The following NFAT5 variants were observed in gnomAD, a reference collection of about 807,000 sequenced individuals.
NFAT5 encodes the protein nuclear factor of activated T cells 5.
In NFAT5, 31 loss-of-function variants were observed where a neutral mutation model predicts 166.5. The ratio of observed to expected loss-of-function variants is 0.19; its 90% CI spans 0.14 to 0.25. NFAT5 has a LOEUF of 0.25. Among genes scored for constraint, NFAT5 ranks in the 10% least tolerant of loss-of-function variants. The pLI is 1.00. For missense variants in NFAT5, 1,449 were observed against 1,821.8 expected, an observed-to-expected ratio of 0.80 and a Z score of 3.72; for synonymous variants, 612 against 639.7, an observed-to-expected ratio of 0.96 and a Z score of 0.65.
chr16:69,586,255 C>T (rs572168426), intron 2 of NFAT5, among the ~76,000 whole-genome samples: 64 of 152,190 alleles, frequency 4.2e-4, no homozygotes, highest in Non-Finnish European at 7.8e-4. Context: ...AAATCTTTAG[C>T]TTTAGATGTA....
rs1464772470 is a variant in NFAT5 at position 69,682,095 on chromosome 16, T to TTCTC, written c.1691-2789_1691-2786dup. 1.3e-5 allele frequency among the ~76,000 whole-genome samples: 2 copies of TTCTC among 152,042 alleles called. 1 individual carries two copies. Among genetic ancestry groups the TTCTC allele is most frequent in the Middle Eastern group, 6.3e-3 (2 of 316 alleles). ...ATACTGCCCCAAATCAAAATGTGTA[T>TTCTC]TCTCTCAGGCACTTAGATACTTTTC... On this transcript the variant is annotated intron_variant, in intron 10 of 14. Coordinates refer to ENST00000349945, the MANE Select transcript of NFAT5 (RefSeq NM_138713.4).
chr16:69,691,925 C>T lies in NFAT5; in HGVS notation c.2100C>T (p.Asp700=), dbSNP rs2037560612. Residue 700 remains aspartate, a synonymous_variant, in exon 13 of 15, where the codon GAC becomes GAT. Transcript: ENST00000349945. The stretch of plus-strand genomic sequence containing the variant: ...CCCTGACAACTATTCAAACCCAGGA[C>T]ATCTCACAGCCTGGTACTTTTCCAG... ...PETLTTIQTQ[D]ISQPGTFPAV... is the part of the protein sequence containing the mutation. 2 of 1,614,078 alleles carry T rather than the reference C, an allele frequency of 1.2e-6. No individual in the cohort carries two copies. Among genetic ancestry groups the T allele is most frequent in the South Asian group, 1.1e-5 (1 of 91,092 alleles).
At chr16:69,598,020 T>G (rs1449887738) in intron 2 of NFAT5, among the ~76,000 whole-genome samples, 2 of 152,190 alleles carry the variant, frequency 1.3e-5, no homozygotes, top group Admixed American at 6.5e-5. Flanking sequence ...GGAGTGTAAA[T>G]TATGACTTGT....
At position 69,566,468 on chromosome 16, in the gene NFAT5, G is replaced by A; in HGVS notation, c.73+94G>A. The A allele has an allele frequency of 8.9e-7, 1 of 1,129,658 alleles. No homozygotes were observed. The highest frequency in any genetic ancestry group is 1.3e-6 in the Non-Finnish European group (1 of 772,506). The allele number at this position is 1,129,658 out of a possible 1,614,324, so 70.0% of individuals were successfully genotyped here. On this transcript the variant is annotated intron_variant, in intron 1 of 14. Transcript: ENST00000349945. The surrounding 1 kb of genome is among the most constrained non-coding windows in gnomAD (Gnocchi z 5.7). ...GAGGCGAGGGGTCCCCGTCCCGCCG[G>A]GGGCGGCTGAGCCGCGACCCCCATG...
intron 4 of NFAT5, chr16:69,649,617 T>C (rs977511271): frequency 2.2e-6 from 2 of 889,508 alleles, no homozygotes; most frequent in Admixed American, 1.2e-4. Flanking sequence ...GGAAGAATTT[T>C]AAAATTGGAA....
In NFAT5 at chr16:69,647,671, A is replaced by G. The variant is rs1379754641; in HGVS notation, c.812+85A>G. 4 of 1,288,038 alleles carry G rather than the reference A, an allele frequency of 3.1e-6. No individual in the cohort carries two copies. The African/African-American group carries it at 6.0e-5, about 19-fold the overall frequency. The allele number at this position is 1,288,038 out of a possible 1,614,324, so 79.8% of individuals were successfully genotyped here. Reference sequence around the variant, plus strand: ...AATTCCCAATTTTTCCTAATTGCTGAGCTCAAGTTTGCATATAAAGCAACA... The same window carrying G: ...AATTCCCAATTTTTCCTAATTGCTGGGCTCAAGTTTGCATATAAAGCAACA... On this transcript the variant is annotated intron_variant, in intron 4 of 14. Coordinates refer to ENST00000349945, the MANE Select transcript of NFAT5 (RefSeq NM_138713.4). The surrounding 1 kb of genome is among the most constrained non-coding windows in gnomAD (Gnocchi z 4.8).
intron 2 of NFAT5, among the ~76,000 whole-genome samples, chr16:69,621,779 A>G (rs991023910): frequency 2.6e-5 from 4 of 152,052 alleles, no homozygotes; most frequent in Non-Finnish European, 4.4e-5. Flanking sequence ...CAGCCTGGGC[A>G]ACAGAGGGAG....
rs2035505489 is a variant in NFAT5, at chr16:69,647,859, A to G, written c.812+273A>G. ...TAATCTGTTCTGAAATAAATTTCAA[A>G]TGAATTTATATTTTAAAAGGACTTT... On this transcript the variant is annotated intron_variant, in intron 4 of 14. Transcript: ENST00000349945. This position sits in a 1 kb window ranked among gnomAD's most constrained non-coding sequence, Gnocchi z 4.8. Among the ~76,000 whole-genome samples the G allele has an allele frequency of 6.6e-6, 1 of 152,118 alleles. No homozygotes were observed. Among genetic ancestry groups the G allele is most frequent in the South Asian group, 2.1e-4 (1 of 4,822 alleles).
chr16:69,686,189 A>G (rs1418159144), intron 11 of NFAT5: 1 of 151,872 alleles, frequency 6.6e-6, no homozygotes, highest in East Asian at 1.9e-4. Context: ...TCTCTACTAA[A>G]AATACAAAAA....
At chr16:69,644,667 G>T (rs1252711999) in intron 3 of NFAT5, 1 of 272,620 alleles carries the variant, frequency 3.7e-6, no homozygotes, top group Non-Finnish European at 7.3e-6. Flanking sequence ...GATAAGATTT[G>T]CAAGATAAAA....
At chr16:69,586,043 T>C (rs1360404113) in intron 2 of NFAT5, among the ~76,000 whole-genome samples, 3 of 151,408 alleles carry the variant, frequency 2.0e-5, no homozygotes, top group Non-Finnish European at 1.5e-5. Context: ...AAAAATGCTT[T>C]CAAAAAACAA....
At chr16:69,662,344 A>G (rs528541838) in intron 7 of NFAT5, among the ~76,000 whole-genome samples, 9 of 151,994 alleles carry the variant, frequency 5.9e-5, no homozygotes, top group Non-Finnish European at 1.3e-4. Flanking sequence ...CTGGAAGGAT[A>G]TGATTCTTTT....
Position 69,566,027 on chromosome 16 carries a change from G to C in NFAT5, c.-275G>C. 1 of 315,640 alleles carries C rather than the reference G, an allele frequency of 3.2e-6. No individual in the cohort carries two copies. Among genetic ancestry groups the C allele is most frequent in the East Asian group, 8.9e-5 (1 of 11,264 alleles). 19.6% of individuals were successfully genotyped at this position (315,640 alleles called of 1,614,324 possible). Reference sequence around the variant, plus strand: ...GTCAGTTTTCGCTGAGGAGAAACACGAAACGGACCCTTTGGCTCTCCCCCT... The same window carrying C: ...GTCAGTTTTCGCTGAGGAGAAACACCAAACGGACCCTTTGGCTCTCCCCCT... On this transcript the variant is annotated 5_prime_UTR_variant, in exon 1 of 15. Transcript: ENST00000349945. The surrounding 1 kb of genome is among the most constrained non-coding windows in gnomAD (Gnocchi z 5.7).
chr16:69,632,455 A>G (rs1340467173), intron 3 of NFAT5: 1 of 152,170 alleles, frequency 6.6e-6, no homozygotes, highest in East Asian at 1.9e-4. Flanking sequence ...TTAACTAGGC[A>G]ATGTATAGAA....
chr16:69,600,883 G>A (rs1223989402), intron 2 of NFAT5, among the ~76,000 whole-genome samples: 1 of 151,284 alleles, frequency 6.6e-6, no homozygotes, highest in Non-Finnish European at 1.5e-5. Flanking sequence ...CAGGAATGTT[G>A]AAGATGAGTG....
intron 10 of NFAT5, among the ~76,000 whole-genome samples, chr16:69,682,729 T>A (rs1382731467): frequency 6.6e-6 from 1 of 152,170 alleles, no homozygotes; most frequent in Admixed American, 6.5e-5. Flanking sequence ...TTACTAGAAT[T>A]AATGTCATGC....
At chr16:69,604,962 T>C (rs2033327399) in intron 2 of NFAT5, among the ~76,000 whole-genome samples, 1 of 152,204 alleles carries the variant, frequency 6.6e-6, no homozygotes, top group Non-Finnish European at 1.5e-5. Context: ...TGATGGACAT[T>C]CAGGTTATTT....
At chr16:69,687,808 C>A (rs1485753282) in intron 11 of NFAT5, among the ~76,000 whole-genome samples, 1 of 151,992 alleles carries the variant, frequency 6.6e-6, no homozygotes, top group African/African-American at 2.4e-5. Flanking sequence ...ATTTTTAGAT[C>A]AAAAATACTA....
chr16:69,608,761 C>T (rs1461259098), intron 2 of NFAT5, among the ~76,000 whole-genome samples: 1 of 150,490 alleles, frequency 6.6e-6, no homozygotes, highest in Admixed American at 6.7e-5. Flanking sequence ...ACTACAGGTG[C>T]CTGCCACCAC....
Sources: allele counts gnomAD v4.1 joint callset (sites outside exome capture counted in the v4.1 genomes callset), GRCh38; gene constraint gnomAD v4.1.1; non-coding constraint Gnocchi (gnomAD v3.1); transcripts MANE v1.5; gene names NCBI Gene and HGNC (gene_info 2026-07-23, HGNC 2026-07-21).